The following GABPA variants were observed in gnomAD, a reference collection of about 807,000 sequenced individuals.
GABPA encodes GA binding protein transcription factor subunit alpha, also known as GA-binding protein alpha chain.
Under a neutral mutation model 59.4 loss-of-function variants are expected in GABPA, and 4 were observed. The observed-to-expected ratio is 0.07, with a 90% CI of 0.03 to 0.15. The LOEUF (loss-of-function observed/expected upper bound fraction) is 0.15, where lower values mean the gene tolerates loss of function less well. GABPA is among the 10% of genes least tolerant of loss of function. The pLI is 1.00. For missense variants in GABPA, 251 were observed against 543.8 expected (o/e 0.46, Z 5.36); for synonymous variants, 164 against 183.1 (o/e 0.90, Z 0.84).
At chr21:25,762,460 T>G in intron 7 of GABPA, 95 bp downstream of exon 7, 2 of 837,850 alleles carry the variant, frequency 2.4e-6, no homozygotes, top group Non-Finnish European at 3.8e-6. Context: ...AAAAAAATTT[T>G]TTTTCTACAC....
At chr21:25,751,652 TTTA>T (rs1026670325) in intron 4 of GABPA, among the ~76,000 whole-genome samples, 8 of 152,072 alleles carry the variant, frequency 5.3e-5, no homozygotes, top group Non-Finnish European at 8.8e-5. Context: ...TAGTCTAATT[TTTA>T]TTGTTTCGTA....
At chr21:25,755,746 A>G (rs1313707011) in intron 5 of GABPA, among the ~76,000 whole-genome samples, 1 of 152,162 alleles carries the variant, frequency 6.6e-6, no homozygotes, top group African/African-American at 2.4e-5. Flanking sequence ...CACTCATTTA[A>G]CTGGCCCCCC....
intron 2 of GABPA, 32 bp from the exon 3 acceptor site, chr21:25,745,171 AAAAATGT>A: frequency 6.2e-7 from 1 of 1,602,604 alleles, no homozygotes; most frequent in Non-Finnish European, 8.5e-7. Flanking sequence ...ATCCAGGGTA[AAAAATGT>A]AACTGTTAGC....
At chr21:25,745,955 A>G (rs911847236) in intron 3 of GABPA, among the ~76,000 whole-genome samples, 4 of 152,220 alleles carry the variant, frequency 2.6e-5, no homozygotes, top group African/African-American at 9.6e-5. Context: ...AGGATTGCCC[A>G]TACAGTTTTC....
At chr21:25,759,431 T>G (rs1231214772) in intron 6 of GABPA, among the ~76,000 whole-genome samples, 1 of 152,110 alleles carries the variant, frequency 6.6e-6, no homozygotes, top group African/African-American at 2.4e-5. Context: ...TCTGGCCAGG[T>G]GCAGTGGCTC....
intron 2 of GABPA, among the ~76,000 whole-genome samples, chr21:25,743,010 A>C (rs927448746): frequency 4.6e-5 from 7 of 151,680 alleles, no homozygotes; most frequent in African/African-American, 1.7e-4. Flanking sequence ...ACCTGGGTGG[A>C]TCTGTCTCGG....
intron 4 of GABPA, 27 bp from the exon 5 acceptor site, chr21:25,751,962 T>C: frequency 1.2e-6 from 2 of 1,602,818 alleles, no homozygotes; most frequent in South Asian, 1.1e-5. Context: ...CATTTAGATT[T>C]ACAATTTTTT....
At position 25,770,247 on chromosome 21, in the gene GABPA, A is replaced by G. The variant is rs886137702; in HGVS notation, c.*1015A>G. The stretch of plus-strand genomic sequence containing the variant: ...AAAAGGAAAATACGACCTTTGTTAT[A>G]GGCAGTCTTCTCTTTAAGACAATAC... On this transcript the variant is annotated 3_prime_UTR_variant, in exon 10 of 10. Coordinates refer to ENST00000400075, the MANE Select transcript of GABPA (RefSeq NM_002040.4). 2 of 152,220 alleles carry G rather than the reference A, an allele frequency of 1.3e-5. No homozygotes were observed. Among genetic ancestry groups the G allele is most frequent in the Admixed American group, 6.5e-5 (1 of 15,272 alleles). 9.4% of individuals were successfully genotyped at this position (152,220 alleles called of 1,614,324 possible).
chr21:25,758,321 A>G, intron 6 of GABPA, 117 bp downstream of exon 6: 1 of 723,090 alleles, frequency 1.4e-6, no homozygotes, highest in Non-Finnish European at 2.2e-6. Context: ...AATAATAATT[A>G]ACATTTATTT....
chr21:25,761,818 A>G (rs1399281463), intron 6 of GABPA, among the ~76,000 whole-genome samples: 1 of 152,210 alleles, frequency 6.6e-6, no homozygotes, highest in Non-Finnish European at 1.5e-5. Context: ...TAGGACTGCT[A>G]CAATTGTGTT....
intron 2 of GABPA, among the ~76,000 whole-genome samples, chr21:25,741,942 C>T (rs1011781452): frequency 5.9e-5 from 9 of 152,112 alleles, no homozygotes; most frequent in Admixed American, 6.5e-5. Context: ...ATTCTTTATT[C>T]TTTTCCTCAG....
At chr21:25,745,059 T>G (rs2035327383) in intron 2 of GABPA, 151 bp from the exon 3 acceptor site, 1 of 724,058 alleles carries the variant, frequency 1.4e-6, no homozygotes, top group African/African-American at 1.8e-5. Flanking sequence ...GCAACACTAG[T>G]TGGTGATGAG....
rs1292542958 is a variant in GABPA at position 25,735,163 on chromosome 21, G to A, written c.-442G>A. The A allele has an allele frequency of 4.8e-6, 3 of 622,850 alleles. No homozygotes were observed. The highest frequency in any genetic ancestry group is 8.7e-6 in the Non-Finnish European group (3 of 345,436). 38.6% of individuals were successfully genotyped at this position (622,850 alleles called of 1,614,324 possible). A position where few individuals can be genotyped will look rare whatever the true frequency, so the allele number is the denominator to read the frequency against. ...TTTCCCCTCCTTGAAACCTTGCTCT[G>A]TACGCATGCGCTCTTTGAGTGGCCT... On this transcript the variant is annotated 5_prime_UTR_variant, in exon 1 of 10. Coordinates refer to ENST00000400075, the MANE Select transcript of GABPA (RefSeq NM_002040.4).
In GABPA at chr21:25,771,013, CAA is replaced by C. The variant is rs2035999198; in HGVS notation, c.*1782_*1783del. 1 of 151,886 alleles carries C rather than the reference CAA, an allele frequency of 6.6e-6. No individual in the cohort carries two copies. Among genetic ancestry groups the C allele is most frequent in the South Asian group, 2.1e-4 (1 of 4,824 alleles). The allele number at this position is 151,886 out of a possible 1,614,324, so 9.4% of individuals were successfully genotyped here. On this transcript the variant is annotated 3_prime_UTR_variant, in exon 10 of 10. Coordinates refer to ENST00000400075, the MANE Select transcript of GABPA (RefSeq NM_002040.4). ...TTTTAAGAATATCTGAGTAAAATAA[CAA>C]TATGAAATAATAAACAGAAGCTCTA...
chr21:25,750,475 AG>A (rs933708334), intron 4 of GABPA, among the ~76,000 whole-genome samples: 2 of 152,218 alleles, frequency 1.3e-5, no homozygotes, highest in Admixed American at 6.5e-5. Context: ...TAGCACAGAG[AG>A]AAGAATTTGT....
rs2035984198 is a variant in GABPA at position 25,770,309 on chromosome 21, GTATTCA to G, written c.*1081_*1086del. ...TTTTCCTTTTCCATATTATATATGT[GTATTCA>G]TATAGCTGTATACATATTCAGTTGA... On this transcript the variant is annotated 3_prime_UTR_variant, in exon 10 of 10. Transcript: ENST00000400075. The G allele has an allele frequency of 6.6e-6, 1 of 151,932 alleles. No individual in the cohort carries two copies. The allele number at this position is 151,932 out of a possible 1,614,324, so 9.4% of individuals were successfully genotyped here.
chr21:25,758,833 G>A (rs920913708), intron 6 of GABPA, among the ~76,000 whole-genome samples: 1 of 152,152 alleles, frequency 6.6e-6, no homozygotes, highest in Non-Finnish European at 1.5e-5. Context: ...AAAGAAATTG[G>A]ATGAGGCAGG....
At chr21:25,763,151 A>G (rs935912908) in intron 7 of GABPA, 1 of 504,600 alleles carries the variant, frequency 2.0e-6, no homozygotes, top group South Asian at 1.7e-5. Flanking sequence ...CTCATGTTGC[A>G]TTTTCTCTTG....
At chr21:25,762,505 G>T in intron 7 of GABPA, 140 bp downstream of exon 7, 1 of 570,504 alleles carries the variant, frequency 1.8e-6, no homozygotes, top group Non-Finnish European at 3.1e-6. Flanking sequence ...ATGAAAGCTC[G>T]ACACAAGTAC....
Sources: gnomAD v4.1 joint callset for allele counts (sites outside exome capture counted in the v4.1 genomes callset) on GRCh38, gnomAD v4.1.1 for gene constraint, MANE v1.5 for transcripts, NCBI Gene and HGNC (gene_info 2026-07-23, HGNC 2026-07-21) for gene names.